Variants in PACSIN1 observed in about 807,000 individuals in gnomAD.
PACSIN1 encodes the protein protein kinase C and casein kinase substrate in neurons 1.
Under a neutral mutation model 59.5 loss-of-function variants are expected in PACSIN1, and 15 were observed. The observed-to-expected ratio is 0.25, with a 90% confidence interval of 0.17 to 0.39. PACSIN1 has a LOEUF of 0.39. Among genes scored for constraint, PACSIN1 ranks in the 10% least tolerant of loss-of-function variants. The pLI is 1.00. For missense variants in PACSIN1, 420 were observed against 580.2 expected, an observed-to-expected ratio of 0.72 and a Z score of 2.84; for synonymous variants, 210 against 220.6, an observed-to-expected ratio of 0.95 and a Z score of 0.42.
At position 34,521,891 on chromosome 6, in the gene PACSIN1, A is replaced by T. The variant is rs907930563; in HGVS notation, c.-63-4352A>T. 1.3e-5 allele frequency among the ~76,000 whole-genome samples: 2 copies of T among 152,180 alleles called. No individual in the cohort carries two copies. The highest frequency in any genetic ancestry group is 2.9e-5 in the Non-Finnish European group (2 of 68,036). On this transcript the variant is annotated intron_variant, in intron 1 of 9. Transcript: ENST00000244458. The surrounding 1 kb of genome is among the most constrained non-coding windows in gnomAD (Gnocchi z 4.3). ...AGAGCCACACACGGTCTCACAGCCC[A>T]TACATGAGAGAGCCAGGGTTTGAAT...
At chr6:34,466,436 C>G (rs1023474073) in intron 1 of PACSIN1, among the ~76,000 whole-genome samples, 166 bp downstream of exon 1, 1 of 152,180 alleles carries the variant, frequency 6.6e-6, no homozygotes, top group Admixed American at 6.5e-5. Context: ...TTCGGGGATG[C>G]CTTCAGGGGA....
chr6:34,511,941 C>T (rs1477000945), intron 1 of PACSIN1, among the ~76,000 whole-genome samples: 2 of 152,028 alleles, frequency 1.3e-5, no homozygotes, highest in African/African-American at 2.4e-5. Context: ...GGCCGCTGCC[C>T]TGTGGTGTGG....
chr6:34,527,290 G>T, intron 2 of PACSIN1, 42 bp from the exon 3 acceptor site: 2 of 1,461,850 alleles, frequency 1.4e-6, no homozygotes, highest in Non-Finnish European at 9.1e-7. Flanking sequence ...GGCTGGGGAC[G>T]CTGGGAACCC....
At chr6:34,467,923 G>A (rs532070038) in intron 1 of PACSIN1, among the ~76,000 whole-genome samples, 1 of 152,288 alleles carries the variant, frequency 6.6e-6, no homozygotes, top group Admixed American at 6.5e-5. Context: ...GCAACCTGCT[G>A]GCTCCAGAGG....
At chr6:34,491,675 GA>G (rs1276281916) in intron 1 of PACSIN1, among the ~76,000 whole-genome samples, 2 of 151,302 alleles carry the variant, frequency 1.3e-5, no homozygotes, top group Non-Finnish European at 2.9e-5. Context: ...GCAACGACGT[GA>G]TCTCGGCTCA....
intron 1 of PACSIN1, among the ~76,000 whole-genome samples, chr6:34,505,385 T>C (rs911646992): frequency 5.3e-5 from 8 of 152,134 alleles, no homozygotes; most frequent in Admixed American, 3.3e-4. Flanking sequence ...TTTTGCCAAG[T>C]TCAGGATTGT....
In PACSIN1 at chr6:34,531,444, G is replaced by T. The variant is rs951939126; in HGVS notation, c.1038-156G>T. On this transcript the variant is annotated intron_variant, in intron 8 of 9. Coordinates refer to ENST00000244458, the MANE Select transcript of PACSIN1 (RefSeq NM_020804.5). The surrounding 1 kb of genome is among the most constrained non-coding windows in gnomAD (Gnocchi z 4.4). ...CAAATGGTCCTGCATTTAAACATCG[G>T]TTTAAAGAGCTCATGAGGGTCACCC... Among the ~76,000 whole-genome samples the T allele has an allele frequency of 6.6e-6, 1 of 152,228 alleles. No homozygotes were observed. Among genetic ancestry groups the T allele is most frequent in the Non-Finnish European group, 1.5e-5 (1 of 68,040 alleles).
chr6:34,495,343 T>C (rs1028063014), intron 1 of PACSIN1, among the ~76,000 whole-genome samples: 3 of 152,182 alleles, frequency 2.0e-5, no homozygotes, highest in Non-Finnish European at 4.4e-5. Flanking sequence ...TATGGGCTAA[T>C]GATTGGAATC....
In PACSIN1 at chr6:34,531,518, G is replaced by A. The variant is rs891949821; in HGVS notation, c.1038-82G>A. 120 of 1,411,260 alleles carry A rather than the reference G, an allele frequency of 8.5e-5. No homozygotes were observed. Among genetic ancestry groups the A allele is most frequent in the Non-Finnish European group, 1.1e-4 (110 of 1,015,558 alleles). The allele number at this position is 1,411,260 out of a possible 1,614,324, so 87.4% of individuals were successfully genotyped here. On this transcript the variant is annotated intron_variant, in intron 8 of 9. Transcript: ENST00000244458. This position sits in a 1 kb window ranked among gnomAD's most constrained non-coding sequence, Gnocchi z 4.4. ...CTAGCCTTGGTAGAATTCGGGATCA[G>A]GGCTCTGATTAGGAGGAGCGGTTAG...
At chr6:34,499,755 C>T (rs532523642) in intron 1 of PACSIN1, among the ~76,000 whole-genome samples, 2 of 151,822 alleles carry the variant, frequency 1.3e-5, no homozygotes, top group South Asian at 4.2e-4. Flanking sequence ...GAGACGGTGC[C>T]ACTGCACTCC....
Position 34,530,579 on chromosome 6 carries a change from C to T in PACSIN1, c.1029C>T (p.Asp343=). ...GAVESTSQAG[D]RGSVSSYDRG... The stretch of plus-strand genomic sequence containing the variant: ...TAGAGTCCACATCCCAGGCTGGGGA[C>T]CGCGGCAGGTGAGTGCCTCCTGTGG... The change falls in exon 8 of 10, where the codon GAC becomes GAT. Residue 343 remains aspartate (D), a synonymous_variant. Transcript: ENST00000244458. The surrounding 1 kb of genome is among the most constrained non-coding windows in gnomAD (Gnocchi z 4.4). 6.3e-7 allele frequency: 1 copy of T among 1,578,630 alleles called. No individual in the cohort carries two copies.
chr6:34,495,344 G>A (rs970380453), intron 1 of PACSIN1, among the ~76,000 whole-genome samples: 2 of 152,114 alleles, frequency 1.3e-5, no homozygotes, highest in Non-Finnish European at 2.9e-5. Flanking sequence ...ATGGGCTAAT[G>A]ATTGGAATCA....
chr6:34,502,206 A>G (rs1164822330), intron 1 of PACSIN1, among the ~76,000 whole-genome samples: 3 of 152,126 alleles, frequency 2.0e-5, no homozygotes, highest in Non-Finnish European at 4.4e-5. Context: ...TGGTCTTGCC[A>G]GTAAGACATT....
chr6:34,510,739 G>C (rs1420314360), intron 1 of PACSIN1, among the ~76,000 whole-genome samples: 2 of 152,182 alleles, frequency 1.3e-5, no homozygotes, highest in African/African-American at 2.4e-5. Context: ...TTTTGAGACA[G>C]AGTCTCGCTC....
At chr6:34,475,454 G>A (rs1433475615) in intron 1 of PACSIN1, among the ~76,000 whole-genome samples, 3 of 152,220 alleles carry the variant, frequency 2.0e-5, no homozygotes, top group East Asian at 1.9e-4. Flanking sequence ...ATATTAGAGC[G>A]GGAAAAGATT....
rs1379893120 is a variant in PACSIN1 at position 34,514,655 on chromosome 6, G to A, written c.-63-11588G>A. ...CGGCCGAGCCTGTGTCCCCACCAGC[G>A]TCTCTGTGGCCGTGAAGTGTATGCA... On this transcript the variant is annotated intron_variant, in intron 1 of 9. Transcript: ENST00000244458. This position sits in a 1 kb window ranked among gnomAD's most constrained non-coding sequence, Gnocchi z 4.4. 6.6e-6 allele frequency among the ~76,000 whole-genome samples: 1 copy of A among 152,142 alleles called. No individual in the cohort carries two copies. The highest frequency in any genetic ancestry group is 2.1e-4 in the South Asian group (1 of 4,824).
chr6:34,500,556 C>T (rs114032116), intron 1 of PACSIN1, among the ~76,000 whole-genome samples: 12,110 of 152,200 alleles, frequency 0.08, 522 homozygotes, highest in Non-Finnish European at 0.091. Context: ...CATTTACAGA[C>T]GCAGGCAGAA....
intron 1 of PACSIN1, among the ~76,000 whole-genome samples, chr6:34,503,486 G>T (rs781396228): frequency 2.0e-5 from 3 of 152,174 alleles, no homozygotes; most frequent in Admixed American, 6.5e-5. Flanking sequence ...CCACACTGGA[G>T]CATGCATTGA....
At position 34,514,118 on chromosome 6, in the gene PACSIN1, G is replaced by T. The variant is rs1767247940; in HGVS notation, c.-63-12125G>T. Among the ~76,000 whole-genome samples the T allele has an allele frequency of 6.6e-6, 1 of 152,234 alleles. No individual in the cohort carries two copies. Among genetic ancestry groups the T allele is most frequent in the African/African-American group, 2.4e-5 (1 of 41,454 alleles). On this transcript the variant is annotated intron_variant, in intron 1 of 9. Coordinates refer to ENST00000244458, the MANE Select transcript of PACSIN1 (RefSeq NM_020804.5). This position sits in a 1 kb window ranked among gnomAD's most constrained non-coding sequence, Gnocchi z 4.4. ...GATACACAGACTTGTGGAAATGCAT[G>T]TGTGCAAATATATGTAATGGGCGTT... is the stretch of plus-strand genomic sequence containing the variant.
Sources: allele counts gnomAD v4.1 joint callset (sites outside exome capture counted in the v4.1 genomes callset), GRCh38; gene constraint gnomAD v4.1.1; non-coding constraint Gnocchi (gnomAD v3.1); transcripts MANE v1.5; gene names NCBI Gene and HGNC (gene_info 2026-07-23, HGNC 2026-07-21).